The following GPC5 variants were observed in gnomAD, a reference collection of about 807,000 sequenced individuals.
The protein encoded by GPC5 is glypican-5.
In GPC5, 47 loss-of-function variants were observed where a neutral mutation model predicts 53.9. The observed-to-expected ratio is 0.87, with a 90% CI of 0.69 to 1.11. The LOEUF (loss-of-function observed/expected upper bound fraction) is 1.11. Ranked by LOEUF, GPC5 falls within the 50% of genes most tolerant of loss-of-function variation. The pLI is 0.00. For missense variants in GPC5, 748 were observed against 713.1 expected (o/e 1.05, Z -0.56); for synonymous variants, 286 against 263.3 (o/e 1.09, Z -0.84).
At chr13:92,132,549 G>T (rs1193855009) in intron 6 of GPC5, among the ~76,000 whole-genome samples, 2 of 152,052 alleles carry the variant, frequency 1.3e-5, no homozygotes, top group Non-Finnish European at 2.9e-5. Context: ...TGAGTTTACA[G>T]GTGTGTCCGC....
chr13:91,596,377 G>C (rs2032995495), intron 2 of GPC5, among the ~76,000 whole-genome samples: 2 of 152,146 alleles, frequency 1.3e-5, no homozygotes, highest in African/African-American at 4.8e-5. Flanking sequence ...TAGATCACAT[G>C]CTATGTGGTT....
At chr13:92,435,115 A>G (rs2139378796) in intron 7 of GPC5, among the ~76,000 whole-genome samples, 1 of 152,208 alleles carries the variant, frequency 6.6e-6, no homozygotes, top group South Asian at 2.1e-4. Flanking sequence ...GGGTTTCACC[A>G]TGTTGACCAA....
At chr13:92,850,656 G>A (rs1878764032) in intron 7 of GPC5, among the ~76,000 whole-genome samples, 2 of 152,084 alleles carry the variant, frequency 1.3e-5, no homozygotes, top group South Asian at 4.1e-4. Context: ...TTGGTAGAGA[G>A]GTTAAAGAAG....
chr13:92,418,934 C>T (rs1876437820), intron 7 of GPC5, among the ~76,000 whole-genome samples: 2 of 152,182 alleles, frequency 1.3e-5, no homozygotes, highest in Non-Finnish European at 1.5e-5. Flanking sequence ...CACCTTACCA[C>T]CTCTTCACCA....
At chr13:92,640,779 G>A (rs1385489225) in intron 7 of GPC5, among the ~76,000 whole-genome samples, 1 of 152,132 alleles carries the variant, frequency 6.6e-6, no homozygotes, top group Non-Finnish European at 1.5e-5. Context: ...GACAATTTGA[G>A]TATCAAAATC....
intron 6 of GPC5, among the ~76,000 whole-genome samples, chr13:92,066,296 A>G (rs2041166998): frequency 6.6e-6 from 1 of 152,056 alleles, no homozygotes; most frequent in Non-Finnish European, 1.5e-5. Context: ...GATTCAGTAA[A>G]TCTTTACTAA....
In GPC5 at chr13:91,693,853, A is replaced by G; in HGVS notation, c.992A>G (p.His331Arg). 1 of 1,598,956 alleles carries G rather than the reference A, an allele frequency of 6.3e-7. No homozygotes were observed. The highest frequency in any genetic ancestry group is 8.5e-7 in the Non-Finnish European group (1 of 1,172,000). ...LLVNDAVLQA[H>R]LNGQKLLEQV... is the part of the protein sequence containing the mutation. ...GTTAATGATGCTGTGTTACAGGCTC[A>G]CCTCAATGGACAAAAATTATTGGAA... Residue 331 changes from histidine (H) to arginine (R), a missense_variant, in exon 3 of 8, where the codon CAC becomes CGC. Coordinates refer to ENST00000377067, the MANE Select transcript of GPC5 (RefSeq NM_004466.6).
At chr13:92,535,750 C>T (rs947456097) in intron 7 of GPC5, among the ~76,000 whole-genome samples, 2 of 151,774 alleles carry the variant, frequency 1.3e-5, no homozygotes, top group Non-Finnish European at 2.9e-5. Flanking sequence ...TTGCACATAG[C>T]TTTTATTTGC....
intron 7 of GPC5, among the ~76,000 whole-genome samples, chr13:92,542,647 C>T (rs1244570311): frequency 1.3e-5 from 2 of 152,018 alleles, no homozygotes; most frequent in African/African-American, 4.8e-5. Context: ...GTAAGACTCA[C>T]TTGCGCGTTT....
intron 7 of GPC5, among the ~76,000 whole-genome samples, chr13:92,704,173 T>A (rs1887863402): frequency 6.6e-6 from 1 of 152,104 alleles, no homozygotes; most frequent in African/African-American, 2.4e-5. Context: ...ATGCTTTGCT[T>A]AAATTCCAAT....
chr13:92,696,851 A>G (rs536400751), intron 7 of GPC5, among the ~76,000 whole-genome samples: 9 of 152,294 alleles, frequency 5.9e-5, no homozygotes, highest in Admixed American at 5.2e-4. Flanking sequence ...TAAGTCTTCA[A>G]TCCATCTTGA....
intron 7 of GPC5, among the ~76,000 whole-genome samples, chr13:92,582,774 C>T (rs1883411548): frequency 6.6e-6 from 1 of 151,862 alleles, no homozygotes; most frequent in African/African-American, 2.4e-5. Flanking sequence ...GGGTTGTGGT[C>T]TTACTTTTTT....
At chr13:91,851,505 T>TC (rs1013842632) in intron 5 of GPC5, among the ~76,000 whole-genome samples, 1 of 151,952 alleles carries the variant, frequency 6.6e-6, no homozygotes, top group African/African-American at 2.4e-5. Flanking sequence ...TTTTCTTTTT[T>TC]TTTTATTATT....
chr13:92,300,958 AT>A (rs2043071320), intron 7 of GPC5, among the ~76,000 whole-genome samples: 1 of 152,222 alleles, frequency 6.6e-6, no homozygotes, highest in South Asian at 2.1e-4. Flanking sequence ...TAAAAACTGG[AT>A]TTCTGGATAA....
intron 7 of GPC5, among the ~76,000 whole-genome samples, chr13:92,314,095 T>C (rs907716251): frequency 1.3e-5 from 2 of 152,120 alleles, no homozygotes; most frequent in African/African-American, 4.8e-5. Flanking sequence ...GTGAGACAAA[T>C]GGAGGAGAGA....
At position 92,256,318 on chromosome 13, in the gene GPC5, A is replaced by G. The variant is rs528016664; in HGVS notation, c.1561+111329A>G. Among the ~76,000 whole-genome samples the G allele has an allele frequency of 3.0e-4, 46 of 152,120 alleles. No individual in the cohort carries two copies. In the South Asian group the frequency reaches 3.9e-3, roughly 13 times the overall value. On this transcript the variant is annotated intron_variant, in intron 7 of 7. Transcript: ENST00000377067. The stretch of plus-strand genomic sequence containing the variant: ...TACAGTGTTCTCTATGATCTCGAAT[A>G]TTTATAAGATTGCTCTAGGATAGAT...
At chr13:91,583,042 A>C (rs1214015514) in intron 2 of GPC5, among the ~76,000 whole-genome samples, 1 of 152,162 alleles carries the variant, frequency 6.6e-6, no homozygotes, top group Non-Finnish European at 1.5e-5. Flanking sequence ...TATAGTAAAA[A>C]CATTTAGCAT....
chr13:92,080,138 A>G (rs1039901560), intron 6 of GPC5, among the ~76,000 whole-genome samples: 5 of 151,420 alleles, frequency 3.3e-5, no homozygotes, highest in African/African-American at 1.2e-4. Context: ...CTATGATACA[A>G]CTCTCCCCTA....
rs143296488 is a variant in GPC5 at position 91,466,389 on chromosome 13, C to T, written c.325+17467C>T. ...CCTTCCTAGTTAGGGGGCAGGGGGA[C>T]GTTATGGTCCCAAGTTTTTTTTGTG... On this transcript the variant is annotated intron_variant, in intron 2 of 7. Coordinates refer to ENST00000377067, the MANE Select transcript of GPC5 (RefSeq NM_004466.6). Among the ~76,000 whole-genome samples, 925 of 152,190 alleles carry T rather than the reference C, an allele frequency of 6.1e-3. 4 individuals are homozygous for T. Among genetic ancestry groups the T allele is most frequent in the Non-Finnish European group, 0.01 (700 of 67,986 alleles).
Sources: allele counts gnomAD v4.1 joint callset (sites outside exome capture counted in the v4.1 genomes callset), GRCh38; gene constraint gnomAD v4.1.1; transcripts MANE v1.5; gene names NCBI Gene and HGNC (gene_info 2026-07-23, HGNC 2026-07-21).